Variants in KIF2A observed in about 807,000 individuals in gnomAD.
KIF2A encodes the protein kinesin family member 2A, also known as kinesin-like protein KIF2A.
KIF2A carries 22 observed loss-of-function variants against 100.2 expected under a neutral mutation model. The observed-to-expected ratio is 0.22, with a 90% CI of 0.16 to 0.31. The LOEUF is 0.31. Ranked by LOEUF, KIF2A falls within the 10% of genes least tolerant of loss-of-function variation. The pLI, the probability that KIF2A is intolerant of heterozygous loss-of-function variation, is 1.00. For synonymous variants in KIF2A, 268 were observed against 285.9 expected (o/e 0.94, Z 0.63); for missense variants, 495 against 898.7 (o/e 0.55, Z 5.74).
chr5:62,385,400 G>A, intron 20 of KIF2A, 84 bp from the exon 21 acceptor site: 1 of 883,466 alleles, frequency 1.1e-6, no homozygotes, highest in Admixed American at 2.1e-5. Flanking sequence ...AAATAACACA[G>A]CTGACTTGAT....
intron 1 of KIF2A, among the ~76,000 whole-genome samples, chr5:62,345,024 T>C (rs1253050342): frequency 6.6e-6 from 1 of 151,728 alleles, no homozygotes; most frequent in Non-Finnish European, 1.5e-5. Context: ...GGTGGGCAGA[T>C]CGCCTGAGGC....
chr5:62,357,818 C>A, intron 8 of KIF2A, 73 bp downstream of exon 8: 2 of 949,034 alleles, frequency 2.1e-6, no homozygotes, highest in South Asian at 3.0e-5. Context: ...AATAGCAAAT[C>A]AAATTGGTTT....
At chr5:62,365,460 A>C (rs994354996) in intron 15 of KIF2A, 107 bp downstream of exon 15, 30 of 593,092 alleles carry the variant, frequency 5.1e-5, no homozygotes, top group Non-Finnish European at 8.1e-5. Context: ...GAATCCTTCT[A>C]TTTTGAGTGA....
At chr5:62,370,499 G>T (rs1319809444) in intron 16 of KIF2A, among the ~76,000 whole-genome samples, 1 of 151,950 alleles carries the variant, frequency 6.6e-6, no homozygotes, top group Non-Finnish European at 1.5e-5. Flanking sequence ...GTTTCACCAT[G>T]TTGGCCAGGC....
intron 4 of KIF2A, 83 bp from the exon 5 acceptor site, chr5:62,352,505 T>G: frequency 1.0e-6 from 1 of 978,558 alleles, no homozygotes; most frequent in Non-Finnish European, 1.5e-6. Context: ...TATCAGGTTT[T>G]GGGGGCTATC....
At chr5:62,382,720 A>T (rs1166038596) in intron 20 of KIF2A, among the ~76,000 whole-genome samples, 1 of 143,852 alleles carries the variant, frequency 7.0e-6, no homozygotes, top group Admixed American at 7.2e-5. Flanking sequence ...TGCAACCTCT[A>T]CCTCCCAGGT....
intron 14 of KIF2A, among the ~76,000 whole-genome samples, chr5:62,364,441 C>T (rs535767411): frequency 4.7e-4 from 72 of 152,192 alleles, no homozygotes; most frequent in South Asian, 2.3e-3. Flanking sequence ...CCACCGCGCC[C>T]GGCCCAGAGG....
At chr5:62,358,553 T>C (rs1748227802) in intron 9 of KIF2A, among the ~76,000 whole-genome samples, 1 of 152,178 alleles carries the variant, frequency 6.6e-6, no homozygotes, top group African/African-American at 2.4e-5. Flanking sequence ...TATATACATA[T>C]CACACAAACC....
At chr5:62,359,976 C>G (rs1469360117) in intron 9 of KIF2A, among the ~76,000 whole-genome samples, 2 of 151,580 alleles carry the variant, frequency 1.3e-5, no homozygotes, top group African/African-American at 4.8e-5. Context: ...ACTTGTAGAT[C>G]TGTTTTCCAT....
Position 62,386,773 on chromosome 5 carries a change from G to T in KIF2A, c.*1204G>T, listed in dbSNP as rs926476797. Among the ~76,000 whole-genome samples the T allele has an allele frequency of 2.0e-5, 3 of 152,196 alleles. No homozygotes were observed. The highest frequency in any genetic ancestry group is 7.2e-5 in the African/African-American group (3 of 41,452). On this transcript the variant is annotated 3_prime_UTR_variant, in exon 21 of 21. Coordinates refer to ENST00000407818, the MANE Select transcript of KIF2A (RefSeq NM_001098511.3). ...AAATTCTCACTAATACATTGGTATG[G>T]TGTAGGGCATGCTACTTTTTAAACA...
intron 1 of KIF2A, among the ~76,000 whole-genome samples, chr5:62,307,615 C>CT (rs1467550404): frequency 6.7e-6 from 1 of 148,614 alleles, no homozygotes; most frequent in Admixed American, 6.9e-5. Context: ...GACTCCATCT[C>CT]TCATACCGAT....
chr5:62,318,481 A>G (rs1290654786), intron 1 of KIF2A, among the ~76,000 whole-genome samples: 1 of 152,238 alleles, frequency 6.6e-6, no homozygotes, highest in Non-Finnish European at 1.5e-5. Context: ...AGAGTTGCCT[A>G]TAACTTCGCT....
intron 1 of KIF2A, among the ~76,000 whole-genome samples, chr5:62,336,646 G>A (rs1028884140): frequency 6.6e-6 from 1 of 152,186 alleles, no homozygotes; most frequent in East Asian, 1.9e-4. Context: ...AAACAGTTCT[G>A]GGAAAGAAAT....
chr5:62,364,930 A>G (rs1053215438), intron 14 of KIF2A, among the ~76,000 whole-genome samples: 2 of 152,076 alleles, frequency 1.3e-5, no homozygotes, highest in Non-Finnish European at 2.9e-5. Flanking sequence ...CCCCATCTCT[A>G]CTAAAAATAA....
At chr5:62,368,384 T>C (rs1214462325) in intron 16 of KIF2A, among the ~76,000 whole-genome samples, 2 of 152,148 alleles carry the variant, frequency 1.3e-5, no homozygotes, top group African/African-American at 4.8e-5. Context: ...TTGCATCTTG[T>C]TTCTAAAGGG....
At chr5:62,379,377 G>A (rs1741681395) in intron 19 of KIF2A, among the ~76,000 whole-genome samples, 1 of 151,980 alleles carries the variant, frequency 6.6e-6, no homozygotes, top group African/African-American at 2.4e-5. Context: ...AAATTGGAGT[G>A]TATGACCAGG....
chr5:62,384,078 A>G (rs1741908645), intron 20 of KIF2A, among the ~76,000 whole-genome samples: 2 of 152,122 alleles, frequency 1.3e-5, no homozygotes, highest in South Asian at 4.1e-4. Context: ...CTCTACTAAA[A>G]ATACAAAAAT....
rs768726227 is a variant in KIF2A at position 62,385,842 on chromosome 5, T to C, written c.*273T>C. On this transcript the variant is annotated 3_prime_UTR_variant, in exon 21 of 21. Transcript: ENST00000407818. ...TTTGGAGATCCTTGTCAGTTTTATT[T>C]TCTATTTGATGAAGTAAGACTGTGG... is the stretch of plus-strand genomic sequence containing the variant. 12 of 413,882 alleles carry C rather than the reference T, an allele frequency of 2.9e-5. No individual in the cohort carries two copies. Among genetic ancestry groups the C allele is most frequent in the Non-Finnish European group, 4.4e-5 (10 of 225,060 alleles). The allele number at this position is 413,882 out of a possible 1,614,324, so 25.6% of individuals were successfully genotyped here.
intron 13 of KIF2A, 116 bp downstream of exon 13, chr5:62,363,436 A>G: frequency 1.0e-6 from 1 of 994,860 alleles, no homozygotes; most frequent in East Asian, 2.6e-5. Context: ...CATTGTTCAT[A>G]AAAACTTGTG....
Sources: gnomAD v4.1 joint callset for allele counts (sites outside exome capture counted in the v4.1 genomes callset) on GRCh38, gnomAD v4.1.1 for gene constraint, MANE v1.5 for transcripts, NCBI Gene and HGNC (gene_info 2026-07-23, HGNC 2026-07-21) for gene names.